The following SLC38A1 variants were observed in gnomAD, a reference collection of about 807,000 sequenced individuals.
SLC38A1 encodes solute carrier family 38 member 1.
SLC38A1 carries 18 observed loss-of-function variants against 60.3 expected under a neutral mutation model. The observed-to-expected ratio is 0.30, with a 90% CI of 0.21 to 0.44. The LOEUF (loss-of-function observed/expected upper bound fraction) is 0.44, where lower values mean the gene tolerates loss of function less well. Among genes scored for constraint, SLC38A1 ranks in the 20% least tolerant of loss-of-function variants. SLC38A1 has a pLI of 1.00. For synonymous variants in SLC38A1, 196 were observed against 212.1 expected (o/e 0.92, Z 0.66); for missense variants, 448 against 587.2 (o/e 0.76, Z 2.45).
chr12:46,210,910 G>A (rs750603624), intron 5 of SLC38A1, among the ~76,000 whole-genome samples: 8 of 152,172 alleles, frequency 5.3e-5, no homozygotes, highest in Non-Finnish European at 8.8e-5. Flanking sequence ...CACTGATTAA[G>A]AGGGTAGGTC....
Position 46,219,071 on chromosome 12 carries a change from G to A in SLC38A1, c.315-9944C>T, listed in dbSNP as rs141712721. ...GACCCCTAAACTGTAATTTCTAATC[G>A]TGTAGTTAATTTGTTAGTCCTGCAA... On this transcript the variant is annotated intron_variant, in intron 5 of 16. Coordinates refer to ENST00000398637, the MANE Select transcript of SLC38A1 (RefSeq NM_030674.4). Among the ~76,000 whole-genome samples, 639 of 152,314 alleles carry A rather than the reference G, an allele frequency of 4.2e-3. 5 individuals are homozygous for A. The highest frequency in any genetic ancestry group is 0.015 in the African/African-American group (615 of 41,560).
rs185157379 is a variant in SLC38A1, at chr12:46,251,288, C to T, written c.-208-7974G>A. ...AAATGGTGCTGGGAAAACTGACTAG[C>T]CATGTGTAGAAAGCTGAAACTGGAT... is the stretch of plus-strand genomic sequence containing the variant. On this transcript the variant is annotated intron_variant, in intron 1 of 16. Transcript: ENST00000398637. Among the ~76,000 whole-genome samples, 576 of 152,250 alleles carry T rather than the reference C, an allele frequency of 3.8e-3. 5 individuals are homozygous for T. The highest frequency in any genetic ancestry group is 0.014 in the Middle Eastern group (4 of 294).
intron 5 of SLC38A1, among the ~76,000 whole-genome samples, chr12:46,224,079 T>C (rs1273309509): frequency 6.6e-6 from 1 of 152,220 alleles, no homozygotes; most frequent in African/African-American, 2.4e-5. Flanking sequence ...GATGGAGTTA[T>C]GGGTAAGACT....
intron 16 of SLC38A1, 174 bp downstream of exon 16, chr12:46,197,546 T>G: frequency 1.8e-6 from 1 of 543,048 alleles, no homozygotes; most frequent in Non-Finnish European, 3.2e-6. Flanking sequence ...TTTGGAGGGA[T>G]GGGAGAAGAT....
intron 1 of SLC38A1, among the ~76,000 whole-genome samples, chr12:46,250,236 C>A (rs958083956): frequency 1.3e-5 from 2 of 152,154 alleles, no homozygotes; most frequent in East Asian, 1.9e-4. Flanking sequence ...ACCACAAAAA[C>A]CACATGATTA....
intron 1 of SLC38A1, among the ~76,000 whole-genome samples, chr12:46,251,417 T>C (rs1336427879): frequency 1.3e-5 from 2 of 152,096 alleles, no homozygotes; most frequent in Non-Finnish European, 2.9e-5. Flanking sequence ...GGTAATACCA[T>C]TCAGGACATA....
chr12:46,216,395 C>T (rs1592099759), intron 5 of SLC38A1, among the ~76,000 whole-genome samples: 1 of 152,058 alleles, frequency 6.6e-6, no homozygotes, highest in South Asian at 2.1e-4. Flanking sequence ...GTTTTCCAGG[C>T]AAGTGTGACA....
intron 3 of SLC38A1, among the ~76,000 whole-genome samples, chr12:46,238,546 T>A (rs1459875466): frequency 6.6e-6 from 1 of 152,206 alleles, no homozygotes; most frequent in Non-Finnish European, 1.5e-5. Flanking sequence ...CTAACAGTCC[T>A]GCATATGTCA....
chr12:46,224,571 G>A (rs1301911247), intron 5 of SLC38A1, among the ~76,000 whole-genome samples: 2 of 152,202 alleles, frequency 1.3e-5, no homozygotes, highest in African/African-American at 2.4e-5. Context: ...AGCCTGGACA[G>A]TCTTGGACTC....
chr12:46,203,269 C>T (rs1310709562), intron 11 of SLC38A1, among the ~76,000 whole-genome samples, 180 bp from the exon 12 acceptor site: 1 of 152,204 alleles, frequency 6.6e-6, no homozygotes, highest in African/African-American at 2.4e-5. Context: ...GCTTGTCTAG[C>T]TCGAGCCATT....
chr12:46,240,188 A>G (rs1224108541), intron 2 of SLC38A1, among the ~76,000 whole-genome samples: 1 of 152,138 alleles, frequency 6.6e-6, no homozygotes, highest in Non-Finnish European at 1.5e-5. Flanking sequence ...CTTTTATGAT[A>G]TGAAGCAGTG....
At chr12:46,199,307 TTGTGTGTGTGTGTGTGTGTGTGTGTGTG>T (rs71067986) in intron 13 of SLC38A1, among the ~76,000 whole-genome samples, 2 of 125,342 alleles carry the variant, frequency 1.6e-5, no homozygotes, top group African/African-American at 3.2e-5. Context: ...ATGTACTACT[TTGTGTGTGTGTGTGTGTGTGTGTGTGTG>T]TGTGTGTGTG....
chr12:46,236,202 A>G (rs998715917), intron 3 of SLC38A1, among the ~76,000 whole-genome samples: 4 of 152,204 alleles, frequency 2.6e-5, no homozygotes, highest in African/African-American at 9.7e-5. Flanking sequence ...CCTAAGTTAC[A>G]TTACTATTAA....
At chr12:46,245,523 T>TTGG (rs1941586054) in intron 1 of SLC38A1, among the ~76,000 whole-genome samples, 1 of 152,218 alleles carries the variant, frequency 6.6e-6, no homozygotes, top group Non-Finnish European at 1.5e-5. Context: ...GGAAGGTAGT[T>TTGG]TGGTGCACCA....
At chr12:46,190,399 T>C (rs1004443397) in intron 16 of SLC38A1, among the ~76,000 whole-genome samples, 1 of 152,228 alleles carries the variant, frequency 6.6e-6, no homozygotes, top group Non-Finnish European at 1.5e-5. Context: ...TAAACATACA[T>C]GTGCATGTGT....
rs1942443032 is a variant in SLC38A1, at chr12:46,268,634, A to T, written c.-317T>A. 1 of 234,208 alleles carries T rather than the reference A, an allele frequency of 4.3e-6. No individual in the cohort carries two copies. The highest frequency in any genetic ancestry group is 2.3e-5 in the African/African-American group (1 of 43,920). The allele number at this position is 234,208 out of a possible 1,614,324, so 14.5% of individuals were successfully genotyped here. ...CCTTTGTGTCAAGGTCTGGCTGCGG[A>T]GGCCGGGAAAATGTGGCCCCCGTCA... On this transcript the variant is annotated 5_prime_UTR_variant, in exon 1 of 17. Transcript: ENST00000398637. This position sits in a 1 kb window ranked among gnomAD's most constrained non-coding sequence, Gnocchi z 4.4.
At chr12:46,218,780 C>T (rs1940527061) in intron 5 of SLC38A1, among the ~76,000 whole-genome samples, 2 of 151,966 alleles carry the variant, frequency 1.3e-5, no homozygotes, top group Non-Finnish European at 2.9e-5. Context: ...AATTTGGCAG[C>T]TAGGGGCTTG....
chr12:46,227,476 T>C (rs1199907242), intron 5 of SLC38A1, among the ~76,000 whole-genome samples: 1 of 152,194 alleles, frequency 6.6e-6, no homozygotes, highest in Non-Finnish European at 1.5e-5. Context: ...TGATAGCAGC[T>C]ACTTCATAGA....
intron 6 of SLC38A1, among the ~76,000 whole-genome samples, chr12:46,208,156 TA>T: frequency 6.6e-6 from 1 of 152,294 alleles, no homozygotes; most frequent in East Asian, 1.9e-4. Context: ...TAATTATTCA[TA>T]AAATGTAGTT....
Sources: allele counts gnomAD v4.1 joint callset (sites outside exome capture counted in the v4.1 genomes callset), GRCh38; gene constraint gnomAD v4.1.1; non-coding constraint Gnocchi (gnomAD v3.1); transcripts MANE v1.5; gene names NCBI Gene and HGNC (gene_info 2026-07-23, HGNC 2026-07-21).